Variants in SLIT3 observed in about 807,000 individuals in gnomAD.
SLIT3 encodes slit guidance ligand 3.
A neutral mutation model predicts 184.0 loss-of-function variants in SLIT3; 68 were observed. That is an observed-to-expected ratio of 0.37 (90% CI 0.30 to 0.45). The LOEUF (loss-of-function observed/expected upper bound fraction) is 0.45. SLIT3 is among the 20% of genes least tolerant of loss of function. SLIT3 has a pLI of 1.00. For missense variants in SLIT3, 1,707 were observed against 2,026.0 expected, an observed-to-expected ratio of 0.84 and a Z score of 3.02; for synonymous variants, 831 against 828.6, an observed-to-expected ratio of 1.00 and a Z score of -0.05.
chr5:169,018,387 T>A (rs958690119), intron 4 of SLIT3: 2 of 135,634 alleles, frequency 1.5e-5, no homozygotes, highest in African/African-American at 6.3e-5. Context: ...GCCTTCTTTT[T>A]TGCAGGGAGG....
chr5:169,014,495 A>G (rs1323057062), intron 4 of SLIT3, among the ~76,000 whole-genome samples: 1 of 152,194 alleles, frequency 6.6e-6, no homozygotes. Flanking sequence ...GGATAGACTT[A>G]GACAGGTCAA....
In SLIT3 at chr5:168,686,997, G is replaced by A. The variant is rs747954140; in HGVS notation, c.3296C>T (p.Thr1099Ile). ...CVDTINGYTC[T>I]CPQGFSGPFC... ...GCCTTACCTGAAGCCCTGGGGGCAG[G>A]TGCATGTGTAGCCATTGATTGTGTC... Residue 1099 changes from threonine (T) to isoleucine (I), a missense_variant, in exon 30 of 36, where the codon ACC (threonine) becomes ATC (isoleucine). Physicochemically the swap from Thr to Ile is moderately conservative, Grantham distance 89. Transcript: ENST00000519560. 5.6e-6 allele frequency: 9 copies of A among 1,614,046 alleles called. No homozygotes were observed. In the African/African-American group the frequency reaches 9.3e-5, roughly 17 times the overall value.
intron 7 of SLIT3, among the ~76,000 whole-genome samples, chr5:168,817,847 T>C (rs1005701276): frequency 6.6e-6 from 1 of 152,166 alleles, no homozygotes; most frequent in Non-Finnish European, 1.5e-5. Flanking sequence ...CAGCATGAGT[T>C]ACAGGTTGCT....
At chr5:169,205,671 G>A (rs893946000) in intron 3 of SLIT3, among the ~76,000 whole-genome samples, 1 of 152,234 alleles carries the variant, frequency 6.6e-6, no homozygotes, top group East Asian at 1.9e-4. Flanking sequence ...CTGAGGAACA[G>A]ATGAGCCAAA....
intron 4 of SLIT3, among the ~76,000 whole-genome samples, chr5:168,973,217 T>C (rs1337160591): frequency 6.6e-6 from 1 of 152,018 alleles, no homozygotes; most frequent in African/African-American, 2.4e-5. Context: ...AATAACTTTT[T>C]TTCCCTCTTT....
chr5:169,223,696 TAAA>T (rs113615190), intron 3 of SLIT3, among the ~76,000 whole-genome samples: 1 of 152,130 alleles, frequency 6.6e-6, no homozygotes, highest in Non-Finnish European at 1.5e-5. Flanking sequence ...CCTTTGGAGA[TAAA>T]AAAGATTTTG....
chr5:168,779,305 G>C (rs1023557980), intron 12 of SLIT3, among the ~76,000 whole-genome samples: 1 of 152,214 alleles, frequency 6.6e-6, no homozygotes, highest in African/African-American at 2.4e-5. Context: ...ACCTGAGGCT[G>C]ATGGGAGGCG....
At chr5:169,081,986 AC>A (rs35466283) in intron 4 of SLIT3, among the ~76,000 whole-genome samples, 6 of 151,558 alleles carry the variant, frequency 4.0e-5, no homozygotes, top group Non-Finnish European at 7.4e-5. Flanking sequence ...CTGACTCCAG[AC>A]CCCCCCACAG....
chr5:169,016,170 G>A (rs1323676686), intron 4 of SLIT3, among the ~76,000 whole-genome samples: 5 of 152,122 alleles, frequency 3.3e-5, no homozygotes, highest in African/African-American at 1.2e-4. Flanking sequence ...GTGCTTCTCA[G>A]GCTGTGAGAT....
chr5:169,098,084 T>A (rs186441751), intron 4 of SLIT3, among the ~76,000 whole-genome samples: 1 of 152,192 alleles, frequency 6.6e-6, no homozygotes, highest in Non-Finnish European at 1.5e-5. Context: ...CCAGGCAAGC[T>A]GCCTGGGCCT....
At chr5:168,785,323 A>G (rs985702889) in intron 12 of SLIT3, among the ~76,000 whole-genome samples, 17 of 152,274 alleles carry the variant, frequency 1.1e-4, no homozygotes, top group African/African-American at 4.1e-4. Flanking sequence ...TCAAATGACC[A>G]GAATGAAATA....
chr5:168,667,289 T>C (rs1761087917), intron 35 of SLIT3, among the ~76,000 whole-genome samples: 1 of 152,162 alleles, frequency 6.6e-6, no homozygotes, highest in Admixed American at 6.5e-5. Context: ...TGAATATATT[T>C]AATAAAGAAA....
intron 5 of SLIT3, among the ~76,000 whole-genome samples, chr5:168,873,229 T>C (rs78605101): frequency 0.013 from 1,936 of 152,314 alleles, 19 homozygotes; most frequent in East Asian, 0.046. Flanking sequence ...TGTGGCCTTG[T>C]GGCCTTGGGA....
intron 4 of SLIT3, among the ~76,000 whole-genome samples, chr5:169,189,923 C>T (rs1051603382): frequency 3.3e-5 from 5 of 152,118 alleles, no homozygotes; most frequent in Admixed American, 1.3e-4. Context: ...TCTAAAAGTG[C>T]TATTGTAAGG....
chr5:169,180,910 A>T (rs561427437), intron 4 of SLIT3, among the ~76,000 whole-genome samples: 1 of 152,326 alleles, frequency 6.6e-6, no homozygotes, highest in South Asian at 2.1e-4. Context: ...CTGAGTTCTA[A>T]CATGAAATGA....
chr5:169,234,351 T>C (rs1375824601), intron 3 of SLIT3, among the ~76,000 whole-genome samples: 1 of 152,206 alleles, frequency 6.6e-6, no homozygotes, highest in Non-Finnish European at 1.5e-5. Flanking sequence ...TTTTTGGAAG[T>C]GTTGACTGTG....
At chr5:169,118,162 A>G (rs1760759366) in intron 4 of SLIT3, among the ~76,000 whole-genome samples, 1 of 152,252 alleles carries the variant, frequency 6.6e-6, no homozygotes, top group African/African-American at 2.4e-5. Context: ...TAGGCGACAG[A>G]GTAAGACCTT....
chr5:168,906,903 C>T (rs1394423827), intron 4 of SLIT3, among the ~76,000 whole-genome samples: 1 of 152,054 alleles, frequency 6.6e-6, no homozygotes, highest in African/African-American at 2.4e-5. Flanking sequence ...CTCTGCTGCC[C>T]AGGCTGGAGT....
intron 5 of SLIT3, among the ~76,000 whole-genome samples, chr5:168,872,790 G>A (rs1447853597): frequency 1.3e-5 from 2 of 151,596 alleles, no homozygotes; most frequent in Non-Finnish European, 2.9e-5. Context: ...ACAGGCACCC[G>A]CCACCACACC....
Sources: allele counts gnomAD v4.1 joint callset (sites outside exome capture counted in the v4.1 genomes callset), GRCh38; gene constraint gnomAD v4.1.1; transcripts MANE v1.5; gene names NCBI Gene and HGNC (gene_info 2026-07-23, HGNC 2026-07-21).